Variants in CACNA1A observed in about 807,000 individuals in gnomAD.
The protein encoded by CACNA1A is voltage-dependent P/Q-type calcium channel subunit alpha-1A.
A neutral mutation model predicts 262.4 loss-of-function variants in CACNA1A; 57 were observed. The ratio of observed to expected loss-of-function variants is 0.22; its 90% CI spans 0.18 to 0.27. The LOEUF (loss-of-function observed/expected upper bound fraction) is 0.27. Among genes scored for constraint, CACNA1A ranks in the 10% least tolerant of loss-of-function variants. The probability of loss-of-function intolerance (pLI) is 1.00; values close to 1 mark genes in which losing one functional copy is unlikely to be tolerated. For missense variants in CACNA1A, 2,526 were observed against 3,562.8 expected, an observed-to-expected ratio of 0.71 and a Z score of 7.41; for synonymous variants, 1,431 against 1,419.3, an observed-to-expected ratio of 1.01 and a Z score of -0.18.
At chr19:13,288,777 A>T (rs1446954299) in intron 19 of CACNA1A, among the ~76,000 whole-genome samples, 8 of 152,172 alleles carry the variant, frequency 5.3e-5, no homozygotes, top group Non-Finnish European at 1.2e-4. Flanking sequence ...TCTATCTAGA[A>T]AGAATAAATA....
Position 13,398,701 on chromosome 19 carries a change from T to A in CACNA1A, c.540-26922A>T, listed in dbSNP as rs980993710. Reference sequence around the variant, plus strand: ...CAATTGCCAAGCCTCAGTTTCCTCATAGGGAGGTTGGAGAATTATATAAAA... The same window carrying A: ...CAATTGCCAAGCCTCAGTTTCCTCAAAGGGAGGTTGGAGAATTATATAAAA... On this transcript the variant is annotated intron_variant, in intron 3 of 46. Coordinates refer to ENST00000360228, the MANE Select transcript of CACNA1A (RefSeq NM_001127222.2). Among the ~76,000 whole-genome samples the A allele has an allele frequency of 4.6e-5, 7 of 152,314 alleles. No individual in the cohort carries two copies. The South Asian group carries it at 1.4e-3, about 32-fold the overall frequency.
chr19:13,248,609 G>A (rs538922324), intron 30 of CACNA1A, among the ~76,000 whole-genome samples: 12 of 151,976 alleles, frequency 7.9e-5, no homozygotes, highest in African/African-American at 2.4e-4. Context: ...TTGGGAGGCC[G>A]AGGCAGGCGG....
intron 37 of CACNA1A, chr19:13,227,123 T>C (rs752406688): frequency 7.8e-5 from 15 of 191,722 alleles, no homozygotes; most frequent in Non-Finnish European, 1.3e-4. Flanking sequence ...ATTTGGTACC[T>C]GGGAGACCAG....
chr19:13,280,659 G>T (rs1280904537), intron 22 of CACNA1A, among the ~76,000 whole-genome samples: 1 of 152,042 alleles, frequency 6.6e-6, no homozygotes, highest in African/African-American at 2.4e-5. Flanking sequence ...AATGCTCATT[G>T]ACCGGGCGTG....
At chr19:13,485,326 G>T (rs2145099516) in intron 1 of CACNA1A, among the ~76,000 whole-genome samples, 1 of 152,144 alleles carries the variant, frequency 6.6e-6, no homozygotes, top group African/African-American at 2.4e-5. Flanking sequence ...GGGTAGAAAT[G>T]ATTTTCTTAA....
intron 1 of CACNA1A, among the ~76,000 whole-genome samples, chr19:13,486,510 C>T (rs1980013011): frequency 6.6e-6 from 1 of 151,786 alleles, no homozygotes; most frequent in African/African-American, 2.4e-5. Context: ...GGGGAAAATA[C>T]CCAGACAGAA....
chr19:13,259,969 C>T (rs186295886), intron 26 of CACNA1A: 16 of 385,874 alleles, frequency 4.1e-5, no homozygotes, highest in East Asian at 3.5e-4. Context: ...CCTCTTCCAA[C>T]GTGATAACTT....
intron 34 of CACNA1A, 90 bp downstream of exon 34, chr19:13,234,831 A>C: frequency 1.1e-6 from 1 of 875,828 alleles, no homozygotes; most frequent in Non-Finnish European, 1.9e-6. Flanking sequence ...GCATTGGAAG[A>C]GGAGGGTACA....
chr19:13,430,857 TA>T (rs1253228922), intron 3 of CACNA1A, among the ~76,000 whole-genome samples: 1 of 151,756 alleles, frequency 6.6e-6, no homozygotes, highest in African/African-American at 2.4e-5. Context: ...GTGAGGCAGT[TA>T]CATGTTAGAA....
intron 34 of CACNA1A, among the ~76,000 whole-genome samples, chr19:13,232,560 T>G (rs1288852819): frequency 6.6e-6 from 1 of 150,686 alleles, no homozygotes; most frequent in Non-Finnish European, 1.5e-5. Flanking sequence ...TGAAACCCTA[T>G]CTCTACTAAA....
chr19:13,311,644 T>C (rs909263455), intron 12 of CACNA1A, among the ~76,000 whole-genome samples: 4 of 152,158 alleles, frequency 2.6e-5, no homozygotes, highest in African/African-American at 9.7e-5. Context: ...AAGACCATCC[T>C]GGCTAACACG....
chr19:13,427,935 A>G (rs931986738), intron 3 of CACNA1A, among the ~76,000 whole-genome samples: 6 of 151,726 alleles, frequency 4.0e-5, no homozygotes, highest in Admixed American at 3.9e-4. Context: ...AATGTGGATA[A>G]TAACAGGTTG....
At chr19:13,262,439 C>T (rs549222847) in intron 25 of CACNA1A, 5 of 290,254 alleles carry the variant, frequency 1.7e-5, no homozygotes, top group African/African-American at 6.4e-5. Context: ...TCCCAGATCA[C>T]GGTTATACCC....
At chr19:13,347,066 TG>T (rs1295916462) in intron 6 of CACNA1A, among the ~76,000 whole-genome samples, 1,728 of 79,020 alleles carry the variant, frequency 0.022, 55 homozygotes, top group African/African-American at 0.062. Context: ...TTTGTTTTTT[TG>T]TTTTTTTTTT....
chr19:13,295,054 C>G (rs2057633755), intron 19 of CACNA1A, among the ~76,000 whole-genome samples: 1 of 152,220 alleles, frequency 6.6e-6, no homozygotes, highest in Admixed American at 6.5e-5. Context: ...CCTCTGGAAA[C>G]CTGCCCTGAG....
chr19:13,487,297 C>G (rs1980131339), intron 1 of CACNA1A, among the ~76,000 whole-genome samples: 1 of 152,090 alleles, frequency 6.6e-6, no homozygotes, highest in South Asian at 2.1e-4. Flanking sequence ...AACCAGGGTG[C>G]CCAGAGGGGG....
rs2057734618 is a variant in CACNA1A, at chr19:13,299,069, T to G, written c.2564A>C (p.Glu855Ala). 3 of 1,608,178 alleles carry G rather than the reference T, an allele frequency of 1.9e-6. No individual in the cohort carries two copies. Among genetic ancestry groups the G allele is most frequent in the Non-Finnish European group, 2.5e-6 (3 of 1,179,122 alleles). The change falls in exon 19 of 47, where the codon GAG becomes GCG. Residue 855 changes from glutamate to alanine, a missense_variant. Transcript: ENST00000360228. ...VDQRLGQQRA[E>A]DFLRKQARYH... The stretch of plus-strand genomic sequence containing the variant: ...GCGGGCCTGTTTCCTGAGGAAGTCC[T>G]CGGCGCGCTGCTGGCCGAGGCGCTG...
At chr19:13,321,147 C>T (rs1455268997) in intron 10 of CACNA1A, among the ~76,000 whole-genome samples, 7 of 151,800 alleles carry the variant, frequency 4.6e-5, no homozygotes, top group Non-Finnish European at 8.8e-5. Context: ...GACTCTCCTG[C>T]CTCAGCCTCC....
intron 19 of CACNA1A, among the ~76,000 whole-genome samples, chr19:13,289,132 G>A (rs1056370697): frequency 5.5e-5 from 8 of 146,520 alleles, no homozygotes; most frequent in South Asian, 4.4e-4. Flanking sequence ...TTTGAATCTC[G>A]GCAATGTCTT....
Sources: allele counts gnomAD v4.1 joint callset (sites outside exome capture counted in the v4.1 genomes callset), GRCh38; gene constraint gnomAD v4.1.1; transcripts MANE v1.5; gene names NCBI Gene and HGNC (gene_info 2026-07-23, HGNC 2026-07-21).